Variants in CALN1 observed in about 807,000 individuals in gnomAD.
The protein encoded by CALN1 is calcium-binding protein 8.
CALN1 carries 17 observed loss-of-function variants against 30.6 expected under a neutral mutation model. That is an observed-to-expected ratio of 0.56 (90% CI 0.38 to 0.83). The LOEUF is 0.83. Ranked by LOEUF, CALN1 falls within the 40% of genes least tolerant of loss-of-function variation. The pLI is 0.00. For synonymous variants in CALN1, 156 were observed against 131.4 expected, an observed-to-expected ratio of 1.19 and a Z score of -1.28; for missense variants, 291 against 354.9, an observed-to-expected ratio of 0.82 and a Z score of 1.45.
intron 1 of CALN1, among the ~76,000 whole-genome samples, chr7:72,410,616 C>CT (rs1475572677): frequency 3.3e-5 from 5 of 152,216 alleles, no homozygotes; most frequent in Non-Finnish European, 5.9e-5. Flanking sequence ...CCTAATGTCC[C>CT]TTCATGTCCT....
chr7:72,436,681 A>C (rs1187036010), intron 1 of CALN1, among the ~76,000 whole-genome samples: 1 of 151,412 alleles, frequency 6.6e-6, no homozygotes, highest in East Asian at 1.9e-4. Flanking sequence ...AGCTGCTCTC[A>C]CTCCCTCCCT....
chr7:72,350,556 C>T (rs146347915), intron 2 of CALN1, among the ~76,000 whole-genome samples: 2,066 of 152,222 alleles, frequency 0.014, 19 homozygotes, highest in Middle Eastern at 0.024. Context: ...CATGTTTTCA[C>T]TTATAAGTGG....
At chr7:71,990,327 T>C (rs1798881495) in intron 5 of CALN1, among the ~76,000 whole-genome samples, 1 of 152,168 alleles carries the variant, frequency 6.6e-6, no homozygotes, top group Non-Finnish European at 1.5e-5. Flanking sequence ...GTTCCAAGAA[T>C]TGCCCACACC....
chr7:72,446,542 G>T (rs1407586775), intron 1 of CALN1, among the ~76,000 whole-genome samples: 1 of 152,140 alleles, frequency 6.6e-6, no homozygotes, highest in Admixed American at 6.5e-5. Flanking sequence ...ACAGGTGTCG[G>T]CAAGATGTTC....
chr7:72,227,660 G>A (rs955884184), intron 3 of CALN1, among the ~76,000 whole-genome samples: 1 of 152,042 alleles, frequency 6.6e-6, no homozygotes, highest in Non-Finnish European at 1.5e-5. Flanking sequence ...CTGAGTGAGA[G>A]GTCCAATCAC....
chr7:72,041,378 AT>A (rs916396843), intron 4 of CALN1, among the ~76,000 whole-genome samples: 4 of 150,922 alleles, frequency 2.7e-5, no homozygotes, highest in African/African-American at 9.8e-5. Flanking sequence ...CCCCGCCCAA[AT>A]TTTTTTTATT....
rs150661301 is a variant in CALN1 at position 72,342,770 on chromosome 7, A to G, written c.119+60481T>C. ...CTTTTTTATTTTACCATCAGTAAAT[A>G]TATCTACTTCAAGTGCCCAAGACAC... On this transcript the variant is annotated intron_variant, in intron 2 of 6. Transcript: ENST00000395275. Among the ~76,000 whole-genome samples the G allele has an allele frequency of 2.6e-5, 4 of 152,300 alleles. No homozygotes were observed. The South Asian group carries it at 6.2e-4, about 24-fold the overall frequency.
At chr7:71,844,901 A>AT (rs1399329672) in intron 5 of CALN1, among the ~76,000 whole-genome samples, 1 of 151,914 alleles carries the variant, frequency 6.6e-6, no homozygotes, top group Non-Finnish European at 1.5e-5. Flanking sequence ...AATTTTTTAC[A>AT]TTTTTTGAGA....
chr7:72,438,625 C>T (rs1808251302), intron 1 of CALN1, among the ~76,000 whole-genome samples: 1 of 152,058 alleles, frequency 6.6e-6, no homozygotes, highest in South Asian at 2.1e-4. Flanking sequence ...CTTCCTTGAC[C>T]TCCTCCCTCA....
intron 4 of CALN1, among the ~76,000 whole-genome samples, chr7:72,092,608 T>C (rs1315431378): frequency 8.8e-6 from 1 of 113,624 alleles, no homozygotes; most frequent in Admixed American, 1.1e-4. Context: ...ACTTTTGCAA[T>C]GAATATTGTA....
intron 3 of CALN1, among the ~76,000 whole-genome samples, chr7:72,257,302 G>C (rs752134019): frequency 2.6e-5 from 4 of 152,122 alleles, no homozygotes; most frequent in Non-Finnish European, 4.4e-5. Context: ...GATGAGGTTT[G>C]GGTGGGGATA....
intron 5 of CALN1, among the ~76,000 whole-genome samples, chr7:71,928,095 C>T (rs150697903): frequency 5.8e-4 from 89 of 152,308 alleles, no homozygotes; most frequent in African/African-American, 2.0e-3. Flanking sequence ...AAGTGACACT[C>T]ATCTCCTCTC....
chr7:72,232,458 T>A (rs12112654), intron 3 of CALN1, among the ~76,000 whole-genome samples: 11,266 of 145,650 alleles, frequency 0.077, 613 homozygotes, highest in African/African-American at 0.17. Flanking sequence ...TTCAAAAAAA[T>A]TTTTTTTTAA....
intron 2 of CALN1, among the ~76,000 whole-genome samples, chr7:72,393,844 G>A (rs987880814): frequency 3.3e-5 from 5 of 151,026 alleles, no homozygotes; most frequent in African/African-American, 1.2e-4. Context: ...CCACTTCCCA[G>A]GCCCAAGCAA....
At chr7:71,803,693 T>TGAAGTGGTG (rs1787439102) in intron 6 of CALN1, among the ~76,000 whole-genome samples, 1 of 152,068 alleles carries the variant, frequency 6.6e-6, no homozygotes, top group Non-Finnish European at 1.5e-5. Flanking sequence ...CAGGCTGGTC[T>TGAAGTGGTG]CGAACTCCTG....
chr7:72,119,199 C>T (rs1188060052), intron 3 of CALN1, among the ~76,000 whole-genome samples: 1 of 151,638 alleles, frequency 6.6e-6, no homozygotes, highest in Non-Finnish European at 1.5e-5. Context: ...GAGCAATTTA[C>T]AAAAGAAAGA....
At chr7:72,408,191 G>C (rs1806835252) in intron 1 of CALN1, among the ~76,000 whole-genome samples, 1 of 151,582 alleles carries the variant, frequency 6.6e-6, no homozygotes, top group South Asian at 2.1e-4. Context: ...CCAGCACTTT[G>C]GGAGGCCAAG....
At chr7:72,142,184 C>T (rs6977679) in intron 3 of CALN1, among the ~76,000 whole-genome samples, 63,649 of 151,914 alleles carry the variant, frequency 0.42, 14,604 homozygotes, top group East Asian at 0.96. Flanking sequence ...CATCGCCTGA[C>T]CTGGGAAGCA....
chr7:72,267,220 A>G (rs892553664), intron 3 of CALN1, among the ~76,000 whole-genome samples: 1 of 152,224 alleles, frequency 6.6e-6, no homozygotes, highest in African/African-American at 2.4e-5. Flanking sequence ...TCAACCGGCA[A>G]AAACGGGATA....
Sources: allele counts gnomAD v4.1 joint callset (sites outside exome capture counted in the v4.1 genomes callset), GRCh38; gene constraint gnomAD v4.1.1; transcripts MANE v1.5; gene names NCBI Gene and HGNC (gene_info 2026-07-23, HGNC 2026-07-21).